CNTN5: variants seen among roughly 807,000 people sequenced by gnomAD.
CNTN5 encodes contactin-5.
A neutral mutation model predicts 129.1 loss-of-function variants in CNTN5; 77 were observed. The ratio of observed to expected loss-of-function variants is 0.60; its 90% CI spans 0.50 to 0.72. CNTN5 has a LOEUF of 0.72. Ranked by LOEUF, CNTN5 falls within the 30% of genes least tolerant of loss-of-function variation. The pLI is 0.00. For synonymous variants in CNTN5, 509 were observed against 465.6 expected (o/e 1.09, Z -1.20); for missense variants, 1,478 against 1,328.8 (o/e 1.11, Z -1.75).
chr11:99,606,022 T>A (rs1322973604), intron 3 of CNTN5, among the ~76,000 whole-genome samples: 1 of 61,446 alleles, frequency 1.6e-5, no homozygotes. Flanking sequence ...AAGCATTCCC[T>A]TTGAAAACTA....
chr11:100,145,015 C>G (rs1045335007), intron 13 of CNTN5, among the ~76,000 whole-genome samples: 1 of 151,980 alleles, frequency 6.6e-6, no homozygotes, highest in Non-Finnish European at 1.5e-5. Flanking sequence ...AAATTAGAGA[C>G]CTTTCCATTG....
chr11:100,241,006 A>G (rs1949729652), intron 16 of CNTN5, among the ~76,000 whole-genome samples: 1 of 152,360 alleles, frequency 6.6e-6, no homozygotes, highest in African/African-American at 2.4e-5. Context: ...AATGACACAT[A>G]CACAGTAAAC....
chr11:99,292,873 AC>A (rs1313098816), intron 1 of CNTN5, among the ~76,000 whole-genome samples: 1 of 152,126 alleles, frequency 6.6e-6, no homozygotes, highest in Non-Finnish European at 1.5e-5. Flanking sequence ...TGGACCAGCC[AC>A]TTCTCTACAT....
chr11:99,929,762 A>G (rs1950149438), intron 7 of CNTN5, among the ~76,000 whole-genome samples: 2 of 152,152 alleles, frequency 1.3e-5, no homozygotes, highest in Non-Finnish European at 1.5e-5. Flanking sequence ...GGGAGCTACA[A>G]TTTAAGATGA....
At chr11:99,259,231 C>G (rs1862519438) in intron 1 of CNTN5, among the ~76,000 whole-genome samples, 1 of 151,674 alleles carries the variant, frequency 6.6e-6, no homozygotes, top group Admixed American at 6.6e-5. Context: ...ATCACATATT[C>G]TTGCTTTTTT....
At chr11:100,348,690 G>A (rs1389413140) in intron 23 of CNTN5, among the ~76,000 whole-genome samples, 1 of 151,804 alleles carries the variant, frequency 6.6e-6, no homozygotes, top group Non-Finnish European at 1.5e-5. Context: ...AATTCATCAC[G>A]ATGCTCCAGA....
intron 3 of CNTN5, among the ~76,000 whole-genome samples, chr11:99,667,504 TG>T (rs1401162270): frequency 1.3e-5 from 2 of 152,214 alleles, no homozygotes. Context: ...CTCTGTTTAT[TG>T]TACCCCTGGT....
intron 2 of CNTN5, among the ~76,000 whole-genome samples, chr11:99,481,363 A>G (rs1229951614): frequency 6.6e-6 from 1 of 152,146 alleles, no homozygotes; most frequent in Non-Finnish European, 1.5e-5. Flanking sequence ...TACACAAAAT[A>G]TATTAGAGTG....
chr11:99,881,744 G>A (rs1238438533), intron 6 of CNTN5, among the ~76,000 whole-genome samples: 1 of 152,192 alleles, frequency 6.6e-6, no homozygotes, highest in Non-Finnish European at 1.5e-5. Context: ...GCTAGTGCTG[G>A]GTTTTCGGTC....
intron 1 of CNTN5, among the ~76,000 whole-genome samples, chr11:99,065,015 C>A (rs1370185871): frequency 6.6e-6 from 1 of 151,900 alleles, no homozygotes; most frequent in Admixed American, 6.6e-5. Context: ...ACACTTAAAA[C>A]TTAATGGTAA....
intron 2 of CNTN5, among the ~76,000 whole-genome samples, chr11:99,448,691 C>T (rs547707525): frequency 1.1e-4 from 16 of 151,536 alleles, no homozygotes; most frequent in Admixed American, 7.2e-4. Flanking sequence ...GAAATTGAGG[C>T]TCAAAAAGTT....
At chr11:99,883,472 G>GTTGA (rs2135868673) in intron 6 of CNTN5, among the ~76,000 whole-genome samples, 1 of 152,286 alleles carries the variant, frequency 6.6e-6, no homozygotes, top group African/African-American at 2.4e-5. Context: ...GAGCAATGAT[G>GTTGA]TTGAGCACCT....
intron 13 of CNTN5, among the ~76,000 whole-genome samples, chr11:100,178,148 T>C (rs940776665): frequency 1.3e-5 from 2 of 152,122 alleles, no homozygotes; most frequent in Non-Finnish European, 2.9e-5. Context: ...ATAAGGAGAA[T>C]AGCAGCTCTT....
chr11:100,118,752 A>G (rs1945919991), intron 13 of CNTN5, among the ~76,000 whole-genome samples: 2 of 151,924 alleles, frequency 1.3e-5, no homozygotes, highest in South Asian at 4.1e-4. Flanking sequence ...ATTTTAATGC[A>G]TAGAATGTGT....
Position 99,873,591 on chromosome 11 carries a change from C to T in CNTN5, c.577+28329C>T, listed in dbSNP as rs190912360. ...GATATTGGCATGGATGCAGAAAAAA[C>T]GGAACACTCATACACTGTTGGTAGG... On this transcript the variant is annotated intron_variant, in intron 6 of 24. Coordinates refer to ENST00000524871, the MANE Select transcript of CNTN5 (RefSeq NM_014361.4). Among the ~76,000 whole-genome samples the T allele has an allele frequency of 9.9e-4, 150 of 152,112 alleles. 1 individual carries two copies. The highest frequency in any genetic ancestry group is 5.2e-3 in the Admixed American group (79 of 15,256).
chr11:99,108,967 G>T (rs2135376139), intron 1 of CNTN5, among the ~76,000 whole-genome samples: 1 of 151,520 alleles, frequency 6.6e-6, no homozygotes, highest in African/African-American at 2.4e-5. Flanking sequence ...TATTTATTAA[G>T]CATATATATA....
At chr11:99,924,299 T>TA (rs1950010931) in intron 7 of CNTN5, among the ~76,000 whole-genome samples, 1 of 152,140 alleles carries the variant, frequency 6.6e-6, no homozygotes, top group Admixed American at 6.6e-5. Flanking sequence ...TTTGAGAACT[T>TA]AGTCATATTT....
chr11:99,406,986 A>G (rs986156054), intron 2 of CNTN5, among the ~76,000 whole-genome samples: 4 of 151,578 alleles, frequency 2.6e-5, no homozygotes, highest in Admixed American at 6.6e-5. Context: ...CAAAAATGCC[A>G]TCCAATAGCC....
intron 8 of CNTN5, among the ~76,000 whole-genome samples, chr11:99,981,756 T>C (rs1279955578): frequency 1.3e-5 from 2 of 152,202 alleles, no homozygotes; most frequent in African/African-American, 4.8e-5. Flanking sequence ...TGAGGATTGG[T>C]CATCATTCTA....
Sources: gnomAD v4.1 joint callset for allele counts (sites outside exome capture counted in the v4.1 genomes callset) on GRCh38, gnomAD v4.1.1 for gene constraint, MANE v1.5 for transcripts, NCBI Gene and HGNC (gene_info 2026-07-23, HGNC 2026-07-21) for gene names.